KIRREL1: variants seen among roughly 807,000 people sequenced by gnomAD.
The protein encoded by KIRREL1 is kin of IRRE-like protein 1.
A neutral mutation model predicts 83.3 loss-of-function variants in KIRREL1; 25 were observed. That is an observed-to-expected ratio of 0.30 (90% CI 0.22 to 0.42). The LOEUF is 0.42. KIRREL1 is among the 10% of genes least tolerant of loss of function. The probability of loss-of-function intolerance (pLI) is 1.00; values close to 1 mark genes in which losing one functional copy is unlikely to be tolerated. For synonymous variants in KIRREL1, 388 were observed against 410.4 expected (o/e 0.95, Z 0.66); for missense variants, 812 against 1,032.3 (o/e 0.79, Z 2.92).
intron 1 of KIRREL1, among the ~76,000 whole-genome samples, chr1:158,005,602 GGAAA>G (rs1478610138): frequency 6.6e-6 from 1 of 151,970 alleles, no homozygotes; most frequent in African/African-American, 2.4e-5. Context: ...GAGATGTGGG[GGAAA>G]GAATTTTGAC....
At chr1:158,026,375 GC>G (rs1660174609) in intron 1 of KIRREL1, among the ~76,000 whole-genome samples, 1 of 152,184 alleles carries the variant, frequency 6.6e-6, no homozygotes, top group South Asian at 2.1e-4. Flanking sequence ...GCTTATCTGG[GC>G]TCACTGACTG....
At chr1:158,017,051 C>T (rs1268308959) in intron 1 of KIRREL1, among the ~76,000 whole-genome samples, 2 of 152,198 alleles carry the variant, frequency 1.3e-5, no homozygotes, top group East Asian at 1.9e-4. Flanking sequence ...CCCACATTCA[C>T]GGAGCATTTA....
At chr1:158,022,325 A>G (rs1294997920) in intron 1 of KIRREL1, among the ~76,000 whole-genome samples, 8 of 152,226 alleles carry the variant, frequency 5.3e-5, no homozygotes, top group Admixed American at 5.2e-4. Context: ...AACTTGTGCT[A>G]AACACCTACT....
At chr1:158,010,359 A>C (rs549464110) in intron 1 of KIRREL1, among the ~76,000 whole-genome samples, 74 of 61,368 alleles carry the variant, frequency 1.2e-3, no homozygotes, top group South Asian at 2.7e-3. Context: ...ACACACACAC[A>C]CACCCCACAC....
At chr1:158,084,290 AG>A (rs1172505982) in intron 3 of KIRREL1, 131 bp from the exon 4 acceptor site, 6 of 751,238 alleles carry the variant, frequency 8.0e-6, no homozygotes, top group South Asian at 2.0e-5. Context: ...GTTGTAGATT[AG>A]GGGGTAGGGT....
At chr1:158,043,140 C>G (rs1660684776) in intron 1 of KIRREL1, among the ~76,000 whole-genome samples, 1 of 151,220 alleles carries the variant, frequency 6.6e-6, no homozygotes, top group South Asian at 2.1e-4. Context: ...GGTGGGGGCA[C>G]TCCAACACCT....
chr1:158,033,759 TC>T (rs1660391576), intron 1 of KIRREL1, among the ~76,000 whole-genome samples: 1 of 151,972 alleles, frequency 6.6e-6, no homozygotes, highest in Non-Finnish European at 1.5e-5. Context: ...GGCAGGTGGA[TC>T]ACCTGAGATC....
At chr1:158,016,250 G>A (rs988226243) in intron 1 of KIRREL1, among the ~76,000 whole-genome samples, 1 of 151,836 alleles carries the variant, frequency 6.6e-6, no homozygotes, top group African/African-American at 2.4e-5. Flanking sequence ...CTTGCAGTGA[G>A]CCGAGATCGT....
At chr1:157,996,314 G>A (rs1659199086) in intron 1 of KIRREL1, among the ~76,000 whole-genome samples, 1 of 151,936 alleles carries the variant, frequency 6.6e-6, no homozygotes, top group African/African-American at 2.4e-5. Flanking sequence ...GACTGATTGC[G>A]CCGAAAATTG....
intron 1 of KIRREL1, among the ~76,000 whole-genome samples, chr1:158,057,918 T>C (rs1661109566): frequency 6.6e-6 from 1 of 152,224 alleles, no homozygotes; most frequent in South Asian, 2.1e-4. Context: ...TTCTCTAACC[T>C]TCTTTGATGA....
intron 7 of KIRREL1, 53 bp downstream of exon 7, chr1:158,088,207 G>T (rs1662076198): frequency 1.2e-6 from 2 of 1,613,236 alleles, no homozygotes; most frequent in African/African-American, 2.7e-5. Context: ...CCCCCAAAGG[G>T]CCTTGGACAG....
chr1:158,034,758 G>C (rs970337387), intron 1 of KIRREL1, among the ~76,000 whole-genome samples: 1 of 152,168 alleles, frequency 6.6e-6, no homozygotes, highest in Non-Finnish European at 1.5e-5. Context: ...TTAGGCAATA[G>C]GGGTTGAGGG....
At chr1:158,004,836 C>G (rs188715786) in intron 1 of KIRREL1, among the ~76,000 whole-genome samples, 1 of 152,286 alleles carries the variant, frequency 6.6e-6, no homozygotes, top group East Asian at 1.9e-4. Flanking sequence ...CCCAGCTACT[C>G]TGGAGGCTGA....
chr1:158,087,268 A>T (rs527541089), intron 5 of KIRREL1, among the ~76,000 whole-genome samples: 4 of 152,244 alleles, frequency 2.6e-5, no homozygotes, highest in African/African-American at 9.6e-5. Context: ...AAATTCTGAA[A>T]TGCATCTAGT....
chr1:158,043,795 T>C (rs1159935733), intron 1 of KIRREL1, among the ~76,000 whole-genome samples: 8 of 151,878 alleles, frequency 5.3e-5, no homozygotes, highest in Non-Finnish European at 1.5e-5. Flanking sequence ...GGCTGTGCCA[T>C]GGCAGGGAGC....
chr1:158,021,738 T>C (rs922229105), intron 1 of KIRREL1, among the ~76,000 whole-genome samples: 1 of 151,876 alleles, frequency 6.6e-6, no homozygotes, highest in African/African-American at 2.4e-5. Flanking sequence ...GTTCTGGGGG[T>C]GTGGCAGCTG....
At chr1:158,091,918 A>T (rs1295152102) in intron 11 of KIRREL1, among the ~76,000 whole-genome samples, 1 of 152,238 alleles carries the variant, frequency 6.6e-6, no homozygotes, top group African/African-American at 2.4e-5. Context: ...TGTGAACAAG[A>T]CACAGTCCCT....
In KIRREL1 at chr1:157,997,468, G is replaced by GGTGTGTGTGT. The variant is rs58719060; in HGVS notation, c.52+3753_52+3762dup. Among the ~76,000 whole-genome samples, 5 of 149,602 alleles carry GGTGTGTGTGT rather than the reference G, an allele frequency of 3.3e-5. No individual in the cohort carries two copies. In the South Asian group the frequency reaches 8.5e-4, roughly 25 times the overall value. ...TTCTTCTCCCTATGATTCTTTGTGG[G>GGTGTGTGTGT]GTGTGTGTGTGTGTGTGTGTGTTTT... On this transcript the variant is annotated intron_variant, in intron 1 of 14. Transcript: ENST00000359209.
chr1:158,068,883 A>C (rs1661429784), intron 1 of KIRREL1, among the ~76,000 whole-genome samples: 1 of 151,524 alleles, frequency 6.6e-6, no homozygotes, highest in African/African-American at 2.4e-5. Context: ...GTGTGGAGAG[A>C]TTTAGTTCCA....
Sources: allele counts gnomAD v4.1 joint callset (sites outside exome capture counted in the v4.1 genomes callset), GRCh38; gene constraint gnomAD v4.1.1; transcripts MANE v1.5; gene names NCBI Gene and HGNC (gene_info 2026-07-23, HGNC 2026-07-21).